The following ZNF28 variants were observed in gnomAD, a reference collection of about 807,000 sequenced individuals.
The protein encoded by ZNF28 is zinc finger protein KOX24.
A neutral mutation model predicts 7.2 loss-of-function variants in ZNF28; 5 were observed. That is an observed-to-expected ratio of 0.70 (90% confidence interval 0.36 to 1.46). The LOEUF (loss-of-function observed/expected upper bound fraction) is 1.46, where lower values mean the gene tolerates loss of function less well. ZNF28 is among the 40% of genes most tolerant of loss of function. The probability of loss-of-function intolerance (pLI) is 0.03; values close to 1 mark genes in which losing one functional copy is unlikely to be tolerated. For missense variants in ZNF28, 879 were observed against 866.6 expected, an observed-to-expected ratio of 1.01 and a Z score of -0.18; for synonymous variants, 288 against 292.4, an observed-to-expected ratio of 0.99 and a Z score of 0.15.
intron 2 of ZNF28, among the ~76,000 whole-genome samples, chr19:52,813,804 T>C (rs2063087156): frequency 6.8e-6 from 1 of 146,544 alleles, no homozygotes; most frequent in Non-Finnish European, 1.5e-5. Flanking sequence ...CACTACCTTG[T>C]TTTGGGGGGT....
At chr19:52,807,928 G>A in intron 3 of ZNF28, 79 bp downstream of exon 3, 1 of 1,600,098 alleles carries the variant, frequency 6.2e-7, no homozygotes, top group Non-Finnish European at 8.5e-7. Context: ...TTTTAGTCAA[G>A]TAAGGATGTG....
chr19:52,810,831 A>G (rs1600456547), intron 2 of ZNF28: 1 of 254,478 alleles, frequency 3.9e-6, no homozygotes, highest in Non-Finnish European at 7.3e-6. Flanking sequence ...TATATTTTTA[A>G]AAAAAGAGTC....
chr19:52,811,588 T>C (rs1300586910), intron 2 of ZNF28, among the ~76,000 whole-genome samples: 3 of 136,916 alleles, frequency 2.2e-5, no homozygotes, highest in East Asian at 2.3e-4. Flanking sequence ...GCCGCAACCC[T>C]GTCTGGGAGG....
chr19:52,811,705 C>T (rs1167421637), intron 2 of ZNF28, among the ~76,000 whole-genome samples: 4 of 149,236 alleles, frequency 2.7e-5, no homozygotes, highest in Admixed American at 1.3e-4. Context: ...GCAACCACCC[C>T]GTCTGGGAAG....
intron 2 of ZNF28, among the ~76,000 whole-genome samples, chr19:52,815,936 G>C (rs1227825014): frequency 6.8e-6 from 1 of 147,070 alleles, no homozygotes; most frequent in Non-Finnish European, 1.5e-5. Flanking sequence ...TTCACATGTA[G>C]CCCCAAACGT....
chr19:52,805,604 G>A (rs535772692), intron 3 of ZNF28: 1 of 144,036 alleles, frequency 6.9e-6, no homozygotes, highest in Admixed American at 7.0e-5. Context: ...TCCGGCCTGG[G>A]CGACAGAGTG....
rs764444568 is a variant in ZNF28, at chr19:52,800,120, T to G, written c.1725A>C (p.Gly575=). The G allele has an allele frequency of 6.2e-6, 10 of 1,614,110 alleles. No individual in the cohort carries two copies. In the South Asian group the frequency reaches 1.1e-4, roughly 18 times the overall value. Residue 575 remains glycine (G), a synonymous_variant, in exon 4 of 4, where the codon GGA becomes GGC. Coordinates refer to ENST00000457749, the MANE Select transcript of ZNF28 (RefSeq NM_006969.5). ...AAACCTTACATTTGTACGGTTTCTC[T>G]CCAGTATGAATCCTCCTATGTCTTT... The part of the protein sequence containing the change: ...HMERHRRIHT[G]EKPYKCKVCD...
At chr19:52,809,837 C>CGGCGGCGGTGGCGGT (rs1555805767) in intron 2 of ZNF28, 4 of 553,894 alleles carry the variant, frequency 7.2e-6, no homozygotes, top group Admixed American at 3.6e-5. Flanking sequence ...GCGGCGGCGG[C>CGGCGGCGGTGGCGGT]GGTGGCGGTG....
rs139191052 is a variant in ZNF28, at chr19:52,800,152, G to A, written c.1693C>T (p.His565Tyr). ...ECEKVFSRKS[H>Y]MERHRRIHTG... ...TGAATCCTCCTATGTCTTTCCATGT[G>A]TGATTTGCGACTGAAAACTTTCTCA... The change falls in exon 4 of 4, where the codon CAC becomes TAC. Residue 565 changes from histidine (H) to tyrosine (Y), a missense_variant. By Grantham distance (83) the His-to-Tyr change is moderately conservative. Around this residue, in one of 2 missense-constraint regions of ZNF28, gnomAD observed 864 missense variants for 830.2 expected, o/e 1.04. Transcript: ENST00000457749. The A allele has an allele frequency of 1.5e-5, 25 of 1,613,776 alleles. No individual in the cohort carries two copies. The African/African-American group carries it at 3.1e-4, about 20-fold the overall frequency.
intron 1 of ZNF28, among the ~76,000 whole-genome samples, chr19:52,818,620 T>C (rs1037018102): frequency 1.4e-4 from 21 of 152,068 alleles, no homozygotes; most frequent in African/African-American, 3.9e-4. Flanking sequence ...TGAGGTAGAA[T>C]TGCTTGAACC....
chr19:52,821,109 G>A (rs1439977793), intron 1 of ZNF28, among the ~76,000 whole-genome samples: 1 of 152,068 alleles, frequency 6.6e-6, no homozygotes, highest in African/African-American at 2.4e-5. Flanking sequence ...GGAGCAGCAG[G>A]GCCCAGCAAG....
intron 2 of ZNF28, among the ~76,000 whole-genome samples, chr19:52,817,125 C>T (rs950388122): frequency 6.6e-6 from 1 of 152,142 alleles, no homozygotes; most frequent in Admixed American, 6.5e-5. Flanking sequence ...GTAATCCCAG[C>T]ACTTTAGGAA....
intron 3 of ZNF28, among the ~76,000 whole-genome samples, chr19:52,802,591 C>T (rs1435656284): frequency 2.0e-5 from 3 of 151,838 alleles, no homozygotes; most frequent in Non-Finnish European, 2.9e-5. Context: ...TCAGGATAAT[C>T]GCTTGAACTT....
intron 2 of ZNF28, among the ~76,000 whole-genome samples, chr19:52,812,734 T>A: frequency 1.1e-5 from 1 of 91,836 alleles, no homozygotes; most frequent in African/African-American, 4.4e-5. Flanking sequence ...CAAATCCCCC[T>A]CTGCGAGAAA....
In ZNF28 at chr19:52,801,684, A is replaced by G. The variant is rs771863552; in HGVS notation, c.161T>C (p.Met54Thr). ...LVSLDISSKC[M>T]MKTFFSTGQG... Reference sequence around the variant, plus strand: ...CCCTGTTGAGAAGAATGTCTTCATCATGCATTTGGAAGAGATATCTACAAA... The same window carrying G: ...CCCTGTTGAGAAGAATGTCTTCATCGTGCATTTGGAAGAGATATCTACAAA... The change falls in exon 4 of 4, where the codon ATG (methionine) becomes ACG (threonine). Residue 54 changes from methionine to threonine, a missense_variant. By Grantham distance (81) the Met-to-Thr change is moderately conservative. Coordinates refer to ENST00000457749, the MANE Select transcript of ZNF28 (RefSeq NM_006969.5). 6.8e-6 allele frequency: 11 copies of G among 1,611,454 alleles called. No homozygotes were observed. Among genetic ancestry groups the G allele is most frequent in the Admixed American group, 6.7e-5 (4 of 59,492 alleles).
In ZNF28 at chr19:52,808,030, T is replaced by G. The variant is rs2062958666; in HGVS notation, c.119A>C (p.Asn40Thr). ...RTLYRDVMLE[N>T]YRNLVSLDIS... ...ACCCAGGGAGACCAGGTTCCTATAA[T>G]TCTCCAGCATCACATCCCTGTAAAG... The change falls in exon 3 of 4, where the codon AAT becomes ACT. Residue 40 changes from asparagine to threonine, a missense_variant. Asn to Thr is a moderately conservative substitution (Grantham distance 65). Transcript: ENST00000457749. 1 of 1,613,400 alleles carries G rather than the reference T, an allele frequency of 6.2e-7. No individual in the cohort carries two copies. Among genetic ancestry groups the G allele is most frequent in the Admixed American group, 1.7e-5 (1 of 59,964 alleles).
chr19:52,814,852 G>A (rs61656609), intron 2 of ZNF28, among the ~76,000 whole-genome samples: 9,420 of 145,816 alleles, frequency 0.065, 1,395 homozygotes, highest in African/African-American at 0.14. Context: ...ACACCACTGC[G>A]CTCCAGCCTG....
Position 52,800,446 on chromosome 19 carries a change from A to T in ZNF28, c.1399T>A (p.Tyr467Asn). The T allele has an allele frequency of 6.2e-7, 1 of 1,613,412 alleles. No homozygotes were observed. Among genetic ancestry groups the T allele is most frequent in the Non-Finnish European group, 8.5e-7 (1 of 1,179,786 alleles). The change falls in exon 4 of 4, where the codon TAC (tyrosine) becomes AAC (asparagine). Residue 467 changes from tyrosine (Y) to asparagine (N), a missense_variant. Around this residue, in one of 2 missense-constraint regions of ZNF28, gnomAD observed 864 missense variants for 830.2 expected, o/e 1.04. Coordinates refer to ENST00000457749, the MANE Select transcript of ZNF28 (RefSeq NM_006969.5). ...ACTTTGTCACATTCTTCACATTTGT[A>T]TGGTTTCTCTGCAGTATGAAGTCTA... The part of the protein sequence containing the change: ...HHRLHTAEKP[Y>N]KCEECDKVFR...
At position 52,800,204 on chromosome 19, in the gene ZNF28, T is replaced by G. The variant is rs1164820742; in HGVS notation, c.1641A>C (p.Ala547=). ...ATTCTTCACATTTGTACGGTTTCTC[T>G]GCAGTATGAAGTTTATGATGACATG... is the stretch of plus-strand genomic sequence containing the variant. ...NLACHHKLHT[A]EKPYKCEECE... The change falls in exon 4 of 4, where the codon GCA becomes GCC. Residue 547 remains alanine (A), a synonymous_variant. Coordinates refer to ENST00000457749, the MANE Select transcript of ZNF28 (RefSeq NM_006969.5). 6.2e-7 allele frequency: 1 copy of G among 1,613,658 alleles called. No homozygotes were observed. Among genetic ancestry groups the G allele is most frequent in the East Asian group, 2.2e-5 (1 of 44,652 alleles).
Sources: allele counts gnomAD v4.1 joint callset (sites outside exome capture counted in the v4.1 genomes callset), GRCh38; gene constraint gnomAD v4.1.1; regional missense constraint gnomAD v4.1.1; transcripts MANE v1.5; gene names NCBI Gene and HGNC (gene_info 2026-07-23, HGNC 2026-07-21).